The following NHSL1 variants were observed in gnomAD, a reference collection of about 807,000 sequenced individuals.
The protein encoded by NHSL1 is NHS like 1, also known as NHS-like protein 1.
A neutral mutation model predicts 95.0 loss-of-function variants in NHSL1; 48 were observed. The observed-to-expected ratio is 0.51, with a 90% CI of 0.40 to 0.64. The LOEUF (loss-of-function observed/expected upper bound fraction) is 0.64, where lower values mean the gene tolerates loss of function less well. NHSL1 is among the 30% of genes least tolerant of loss of function. The pLI is 0.00. For synonymous variants in NHSL1, 783 were observed against 833.9 expected (o/e 0.94, Z 1.05); for missense variants, 1,971 against 2,077.7 (o/e 0.95, Z 1.00).
At chr6:138,666,407 C>G (rs1333546208) in intron 1 of NHSL1, among the ~76,000 whole-genome samples, 1 of 151,882 alleles carries the variant, frequency 6.6e-6, no homozygotes, top group African/African-American at 2.4e-5. Flanking sequence ...CTGGCTAACA[C>G]GGTGAAACCC....
intron 1 of NHSL1, among the ~76,000 whole-genome samples, chr6:138,622,499 A>G (rs553378928): frequency 1.3e-5 from 2 of 152,326 alleles, no homozygotes; most frequent in East Asian, 3.9e-4. Flanking sequence ...AAAGAAAGAA[A>G]AAAACAATAA....
rs1197970199 is a variant in NHSL1, at chr6:138,467,310, G to A, written c.339+5996C>T. On this transcript the variant is annotated intron_variant, in intron 3 of 7. Transcript: ENST00000343505. ...TGGGACCGCAGGTGCCCGCCACCTC[G>A]CCTGGCTAATTTTTTGTATTTTTAG... 2.6e-5 allele frequency among the ~76,000 whole-genome samples: 4 copies of A among 151,958 alleles called. No homozygotes were observed. The East Asian group carries it at 5.8e-4, about 22-fold the overall frequency.
At chr6:138,648,024 G>A (rs1048847468) in intron 1 of NHSL1, among the ~76,000 whole-genome samples, 3 of 152,114 alleles carry the variant, frequency 2.0e-5, no homozygotes, top group South Asian at 2.1e-4. Flanking sequence ...ACAGCGCTGC[G>A]TGACATTCAA....
chr6:138,509,228 C>A (rs1392999001), intron 1 of NHSL1, among the ~76,000 whole-genome samples: 1 of 152,156 alleles, frequency 6.6e-6, no homozygotes, highest in Non-Finnish European at 1.5e-5. Flanking sequence ...ATAATTCAAA[C>A]AATGAATCGA....
upstream of NHSL1, among the ~76,000 whole-genome samples, chr6:138,501,158 A>G (rs932896002): frequency 6.6e-6 from 1 of 152,238 alleles, no homozygotes; most frequent in Non-Finnish European, 1.5e-5. Flanking sequence ...TGTTCTTTCA[A>G]GAAACTCTGA....
At chr6:138,597,862 T>A (rs951549570) in intron 1 of NHSL1, among the ~76,000 whole-genome samples, 34 of 151,876 alleles carry the variant, frequency 2.2e-4, no homozygotes, top group African/African-American at 7.8e-4. Flanking sequence ...AGAAAAAAGA[T>A]AATAAAAATA....
At chr6:138,457,932 C>T (rs927540170) in intron 3 of NHSL1, among the ~76,000 whole-genome samples, 3 of 150,516 alleles carry the variant, frequency 2.0e-5, no homozygotes, top group Non-Finnish European at 3.0e-5. Context: ...CTCTTGAACC[C>T]AGGAGGTGGA....
intron 4 of NHSL1, among the ~76,000 whole-genome samples, chr6:138,443,109 T>C (rs193296855): frequency 9.2e-5 from 14 of 152,214 alleles, no homozygotes; most frequent in African/African-American, 2.9e-4. Context: ...TATCATTTTA[T>C]GCATAAAAGT....
chr6:138,558,160 T>C (rs1307612680), intron 1 of NHSL1, among the ~76,000 whole-genome samples: 3 of 152,102 alleles, frequency 2.0e-5, no homozygotes, highest in African/African-American at 7.2e-5. Context: ...TCTTGTTCTG[T>C]TGCCCAGGCT....
In NHSL1 at chr6:138,692,463, G is replaced by C; in HGVS notation, c.96+13C>G. ...CCCGCCGGTTCCCCTCCCCCGGCCC[G>C]CCGGCCACTCACGGATTTTCACTCG... On this transcript the variant is annotated intron_variant, in intron 1 of 3. Coordinates refer to the NHSL1 transcript ENST00000491526. The surrounding 1 kb of genome is among the most constrained non-coding windows in gnomAD (Gnocchi z 4.0). The C allele has an allele frequency of 4.9e-6, 1 of 204,084 alleles. No homozygotes were observed. The highest frequency in any genetic ancestry group is 9.7e-6 in the Non-Finnish European group (1 of 102,620). The allele number at this position is 204,084 out of a possible 1,614,324, so 12.6% of individuals were successfully genotyped here. A position where few individuals can be genotyped will look rare whatever the true frequency, so the allele number is the denominator to read the frequency against.
chr6:138,603,501 C>A (rs376105065), intron 1 of NHSL1, among the ~76,000 whole-genome samples: 5 of 152,290 alleles, frequency 3.3e-5, no homozygotes, highest in African/African-American at 1.2e-4. Flanking sequence ...TTTTAACAGA[C>A]AATTCCTGAA....
upstream of NHSL1, among the ~76,000 whole-genome samples, chr6:138,577,474 C>T (rs899948766): frequency 6.6e-6 from 1 of 152,144 alleles, no homozygotes; most frequent in Admixed American, 6.5e-5. Context: ...TTGCAAGCGC[C>T]GCTGGGGTTG....
rs1292479536 is a variant in NHSL1 at position 138,424,751 on chromosome 6, G to A, written c.4151C>T (p.Ser1384Phe). Residue 1384 changes from serine to phenylalanine, a missense_variant, in exon 8 of 8, where the codon TCC becomes TTC. This residue lies in a region of NHSL1 where 146 missense variants were observed against 206.3 expected (regional missense o/e 0.71). Transcript: ENST00000343505. This position sits in a 1 kb window ranked among gnomAD's most constrained non-coding sequence, Gnocchi z 5.9. ...AGCGCCGGTGGGTGTCACGGGCGGG[G>A]AGGGAGAATGGTTTCGGGAGTGGTC... The part of the protein sequence containing the change: ...DDDHSRNHSP[S>F]PPVTPTGAAP... 3.9e-6 allele frequency: 6 copies of A among 1,551,314 alleles called. No homozygotes were observed. Among genetic ancestry groups the A allele is most frequent in the South Asian group, 1.2e-5 (1 of 84,040 alleles).
At chr6:138,505,283 G>A (rs1780899874) in intron 1 of NHSL1, among the ~76,000 whole-genome samples, 1 of 152,280 alleles carries the variant, frequency 6.6e-6, no homozygotes, top group African/African-American at 2.4e-5. Flanking sequence ...GTACACAGGA[G>A]TTTATGCAGA....
intron 1 of NHSL1, among the ~76,000 whole-genome samples, chr6:138,497,583 A>AT (rs1472836702): frequency 1.2e-4 from 19 of 152,360 alleles, no homozygotes. Flanking sequence ...AAAATTCACT[A>AT]AACATACTCT....
intron 1 of NHSL1, among the ~76,000 whole-genome samples, chr6:138,538,419 G>A (rs1583378514): frequency 6.6e-6 from 1 of 152,074 alleles, no homozygotes; most frequent in South Asian, 2.1e-4. Context: ...CTCAGTGTCT[G>A]GTATAACCCA....
At position 138,644,880 on chromosome 6, in the gene NHSL1, G is replaced by T. The variant is rs1221931767; in HGVS notation, c.96+47596C>A. On this transcript the variant is annotated intron_variant, in intron 1 of 3. Transcript: ENST00000491526. ...AGAATACTTACTATCTATAGGCACAGATTTAAGGAATTTTACATACTTCAA... is the reference window on the plus strand; with the variant it reads ...AGAATACTTACTATCTATAGGCACATATTTAAGGAATTTTACATACTTCAA... Among the ~76,000 whole-genome samples, 3 of 152,162 alleles carry T rather than the reference G, an allele frequency of 2.0e-5. 1 individual carries two copies. Among genetic ancestry groups the T allele is most frequent in the African/African-American group, 7.2e-5 (3 of 41,438 alleles).
At chr6:138,689,173 T>C (rs1334486404) in intron 1 of NHSL1, among the ~76,000 whole-genome samples, 1 of 152,162 alleles carries the variant, frequency 6.6e-6, no homozygotes, top group Non-Finnish European at 1.5e-5. Context: ...TCTATTGAGC[T>C]ATCACATCCA....
chr6:138,594,071 G>A (rs1784268955), intron 1 of NHSL1, among the ~76,000 whole-genome samples: 1 of 152,172 alleles, frequency 6.6e-6, no homozygotes, highest in Admixed American at 6.5e-5. Flanking sequence ...CCTTTGACAT[G>A]CTAATGTTGC....
Sources: gnomAD v4.1 joint callset for allele counts (sites outside exome capture counted in the v4.1 genomes callset) on GRCh38, gnomAD v4.1.1 for gene constraint, gnomAD v4.1.1 regional missense constraint, Gnocchi (gnomAD v3.1) non-coding constraint, MANE v1.5 for transcripts, NCBI Gene and HGNC (gene_info 2026-07-23, HGNC 2026-07-21) for gene names.